MAPKAP1: variants seen among roughly 807,000 people sequenced by gnomAD.
MAPKAP1 encodes target of rapamycin complex 2 subunit MAPKAP1.
Under a neutral mutation model 65.7 loss-of-function variants are expected in MAPKAP1, and 20 were observed. The observed-to-expected ratio is 0.30, with a 90% confidence interval of 0.21 to 0.44. The LOEUF (loss-of-function observed/expected upper bound fraction) is 0.44, where lower values mean the gene tolerates loss of function less well. Among genes scored for constraint, MAPKAP1 ranks in the 20% least tolerant of loss-of-function variants. The pLI is 1.00. For synonymous variants in MAPKAP1, 222 were observed against 244.3 expected (o/e 0.91, Z 0.85); for missense variants, 423 against 648.0 (o/e 0.65, Z 3.77).
chr9:125,699,766 T>C (rs1247155807), intron 1 of MAPKAP1, among the ~76,000 whole-genome samples: 2 of 151,908 alleles, frequency 1.3e-5, no homozygotes, highest in Non-Finnish European at 2.9e-5. Context: ...GAACTACAGA[T>C]GTGCGCCACC....
At position 125,476,726 on chromosome 9, in the gene MAPKAP1, TAA is replaced by T. The variant is rs552933207; in HGVS notation, c.1207+7715_1207+7716del. Among the ~76,000 whole-genome samples, 124 of 152,294 alleles carry T rather than the reference TAA, an allele frequency of 8.1e-4. 1 individual carries two copies. The highest frequency in any genetic ancestry group is 2.8e-3 in the African/African-American group (117 of 41,564). On this transcript the variant is annotated intron_variant, in intron 9 of 11. Coordinates refer to ENST00000265960, the MANE Select transcript of MAPKAP1 (RefSeq NM_001006617.3). ...TGTATACTTAAAAATAACACCATAA[TAA>T]AGTCTTCCTTTGAGTGCCGGCCTGT...
intron 6 of MAPKAP1, among the ~76,000 whole-genome samples, chr9:125,558,461 CT>C (rs1830801966): frequency 6.6e-6 from 1 of 152,148 alleles, no homozygotes; most frequent in African/African-American, 2.4e-5. Context: ...CTCAGTTATT[CT>C]TTCTTTGCTC....
At chr9:125,613,886 C>T (rs1490107025) in intron 4 of MAPKAP1, among the ~76,000 whole-genome samples, 1 of 152,040 alleles carries the variant, frequency 6.6e-6, no homozygotes, top group East Asian at 1.9e-4. Context: ...CAAGCTCCGC[C>T]TCCCAGGTTC....
At chr9:125,553,440 G>C (rs374468250) in intron 6 of MAPKAP1, among the ~76,000 whole-genome samples, 1 of 152,088 alleles carries the variant, frequency 6.6e-6, no homozygotes, top group Non-Finnish European at 1.5e-5. Flanking sequence ...TACTCGGGAG[G>C]CTGAGGCAGG....
Position 125,477,091 on chromosome 9 carries a change from A to G in MAPKAP1, c.1207+7352T>C, listed in dbSNP as rs1589223078. 2.6e-5 allele frequency among the ~76,000 whole-genome samples: 4 copies of G among 152,366 alleles called. No homozygotes were observed. In the East Asian group the frequency reaches 5.8e-4, roughly 22 times the overall value. On this transcript the variant is annotated intron_variant, in intron 9 of 11. Coordinates refer to ENST00000265960, the MANE Select transcript of MAPKAP1 (RefSeq NM_001006617.3). ...ATACTGGACAGTTTTATGAAAAGAT[A>G]ATGGAAGTAACCATGGAACCTTTTG...
intron 8 of MAPKAP1, among the ~76,000 whole-genome samples, chr9:125,503,841 C>T (rs991855573): frequency 2.8e-5 from 4 of 144,750 alleles, no homozygotes; most frequent in South Asian, 2.2e-4. Context: ...CTCAGCCTCC[C>T]GAGTAGCTGG....
intron 3 of MAPKAP1, among the ~76,000 whole-genome samples, chr9:125,659,241 T>C (rs1277281220): frequency 1.3e-5 from 2 of 152,200 alleles, no homozygotes; most frequent in Admixed American, 6.5e-5. Context: ...TTTCCTCACC[T>C]GGCACAGTCA....
intron 9 of MAPKAP1, among the ~76,000 whole-genome samples, chr9:125,476,763 C>A (rs1383128018): frequency 6.6e-6 from 1 of 152,156 alleles, no homozygotes. Context: ...TGGTTATTGA[C>A]TAGTGGGTTA....
chr9:125,438,030 G>C lies in MAPKAP1; in HGVS notation c.*857C>G, dbSNP rs1156896369. 28 of 230,040 alleles carry C rather than the reference G, an allele frequency of 1.2e-4. 1 individual carries two copies. The highest frequency in any genetic ancestry group is 3.4e-5 in the Non-Finnish European group (4 of 119,286). 14.2% of individuals were successfully genotyped at this position (230,040 alleles called of 1,614,324 possible). On this transcript the variant is annotated 3_prime_UTR_variant, in exon 12 of 12. Coordinates refer to ENST00000265960, the MANE Select transcript of MAPKAP1 (RefSeq NM_001006617.3). The stretch of plus-strand genomic sequence containing the variant: ...GAATGGGGAATGTGGCCCCTTCCAA[G>C]GCAGCGAAGCAGAGAACATGCAGGT...
chr9:125,464,835 T>C (rs537068569), intron 10 of MAPKAP1, among the ~76,000 whole-genome samples: 1 of 152,352 alleles, frequency 6.6e-6, no homozygotes, highest in Non-Finnish European at 1.5e-5. Flanking sequence ...TTTTTGGATA[T>C]GGCATCAATT....
At chr9:125,700,273 A>G (rs373841444) in intron 1 of MAPKAP1, among the ~76,000 whole-genome samples, 1 of 152,238 alleles carries the variant, frequency 6.6e-6, no homozygotes, top group Non-Finnish European at 1.5e-5. Flanking sequence ...TTCTCTGCTG[A>G]AATGGTACTT....
At position 125,542,896 on chromosome 9, in the gene MAPKAP1, G is replaced by A. The variant is rs565184322; in HGVS notation, c.958+163C>T. The A allele has an allele frequency of 5.3e-6, 4 of 760,382 alleles. No homozygotes were observed. The East Asian group carries it at 7.4e-5, about 14-fold the overall frequency. The allele number at this position is 760,382 out of a possible 1,614,324, so 47.1% of individuals were successfully genotyped here. A position where few individuals can be genotyped will look rare whatever the true frequency, so the allele number is the denominator to read the frequency against. ...TGACCCAGTCCCTTTCTGAGGCCGAGGGGCAGTGTACAATCACCTTTTCTT... is the reference window on the plus strand; with the variant it reads ...TGACCCAGTCCCTTTCTGAGGCCGAAGGGCAGTGTACAATCACCTTTTCTT... On this transcript the variant is annotated intron_variant, in intron 7 of 11. Transcript: ENST00000265960.
chr9:125,513,377 CT>C (rs2133099448), intron 7 of MAPKAP1, among the ~76,000 whole-genome samples: 1 of 152,286 alleles, frequency 6.6e-6, no homozygotes, highest in African/African-American at 2.4e-5. Flanking sequence ...ATGGTTATGT[CT>C]TCATGTCAAC....
At chr9:125,580,682 TA>T (rs200466671) in intron 5 of MAPKAP1, among the ~76,000 whole-genome samples, 74,708 of 147,898 alleles carry the variant, frequency 0.51, 18,964 homozygotes, top group East Asian at 0.67. Flanking sequence ...CTTAAAAGTA[TA>T]AAAAAAAAAA....
chr9:125,647,363 T>C (rs1833757834), intron 4 of MAPKAP1, among the ~76,000 whole-genome samples: 2 of 151,738 alleles, frequency 1.3e-5, no homozygotes, highest in African/African-American at 4.9e-5. Context: ...ACTTCCACAT[T>C]TCTATGTGGA....
intron 10 of MAPKAP1, among the ~76,000 whole-genome samples, chr9:125,463,689 T>C (rs1853578027): frequency 1.3e-5 from 2 of 152,198 alleles, no homozygotes; most frequent in Non-Finnish European, 2.9e-5. Context: ...TCCCCTAACA[T>C]AACCAGCATG....
At chr9:125,654,493 T>C (rs115798965) in intron 4 of MAPKAP1, among the ~76,000 whole-genome samples, 1,705 of 152,196 alleles carry the variant, frequency 0.011, 40 homozygotes, top group African/African-American at 0.038. Context: ...CATCACCAAT[T>C]TGCTAAAGAA....
At chr9:125,703,898 C>A (rs1436079797) in intron 1 of MAPKAP1, among the ~76,000 whole-genome samples, 1 of 152,090 alleles carries the variant, frequency 6.6e-6, no homozygotes, top group Non-Finnish European at 1.5e-5. Context: ...TTATCTTAGG[C>A]TGAATCATAT....
chr9:125,686,289 G>A (rs1440457149), intron 1 of MAPKAP1, among the ~76,000 whole-genome samples: 2 of 145,450 alleles, frequency 1.4e-5, no homozygotes, highest in Non-Finnish European at 3.0e-5. Flanking sequence ...TCCAGCCCGG[G>A]CAAAAGAATG....
Sources: gnomAD v4.1 joint callset for allele counts (sites outside exome capture counted in the v4.1 genomes callset) on GRCh38, gnomAD v4.1.1 for gene constraint, MANE v1.5 for transcripts, NCBI Gene and HGNC (gene_info 2026-07-23, HGNC 2026-07-21) for gene names.